PTPN13: variants seen among roughly 807,000 people sequenced by gnomAD.
PTPN13 encodes protein tyrosine phosphatase non-receptor type 13.
A neutral mutation model predicts 284.0 loss-of-function variants in PTPN13; 191 were observed. That is an observed-to-expected ratio of 0.67 (90% CI 0.60 to 0.76). The LOEUF (loss-of-function observed/expected upper bound fraction) is 0.76, where lower values mean the gene tolerates loss of function less well. Among genes scored for constraint, PTPN13 ranks in the 30% least tolerant of loss-of-function variants. The probability of loss-of-function intolerance (pLI) is 0.00; values close to 1 mark genes in which losing one functional copy is unlikely to be tolerated. For synonymous variants in PTPN13, 986 were observed against 1,022.3 expected, an observed-to-expected ratio of 0.96 and a Z score of 0.68; for missense variants, 2,797 against 2,939.9, an observed-to-expected ratio of 0.95 and a Z score of 1.12.
intron 7 of PTPN13, among the ~76,000 whole-genome samples, chr4:86,704,832 G>T (rs960170420): frequency 1.3e-5 from 2 of 152,062 alleles, no homozygotes; most frequent in Non-Finnish European, 2.9e-5. Context: ...ACCTAAAAAT[G>T]TTGGATTATT....
intron 10 of PTPN13, 138 bp from the exon 11 acceptor site, chr4:86,732,262 T>C: frequency 1.5e-6 from 1 of 667,894 alleles, no homozygotes; most frequent in Non-Finnish European, 2.4e-6. Context: ...GCTTCAACGT[T>C]TGTTTTAGAT....
chr4:86,739,083 A>C (rs2149159393), intron 15 of PTPN13, among the ~76,000 whole-genome samples: 1 of 152,284 alleles, frequency 6.6e-6, no homozygotes, highest in African/African-American at 2.4e-5. Context: ...ATTTTTGCCC[A>C]ACCCAGGGTC....
At chr4:86,804,691 C>G (rs1293986835) in intron 43 of PTPN13, among the ~76,000 whole-genome samples, 1 of 152,182 alleles carries the variant, frequency 6.6e-6, no homozygotes, top group Non-Finnish European at 1.5e-5. Flanking sequence ...TTGTTTACTT[C>G]TTTATTGTGT....
intron 4 of PTPN13, among the ~76,000 whole-genome samples, 172 bp downstream of exon 4, chr4:86,686,947 G>T (rs1278387867): frequency 2.6e-5 from 4 of 152,200 alleles, no homozygotes; most frequent in Admixed American, 1.3e-4. Context: ...TGAACTTTCA[G>T]TAAAGTACTA....
intron 47 of PTPN13, 50 bp downstream of exon 47, chr4:86,811,158 A>AT: frequency 6.5e-7 from 1 of 1,538,504 alleles, no homozygotes; most frequent in Non-Finnish European, 8.9e-7. Flanking sequence ...AGATTCTAAT[A>AT]TTTTTTAAGG....
chr4:86,799,297 C>T, intron 42 of PTPN13, 93 bp downstream of exon 42: 1 of 731,496 alleles, frequency 1.4e-6, no homozygotes, highest in Non-Finnish European at 2.1e-6. Flanking sequence ...TGCTGTTTTA[C>T]CATATGTATA....
At chr4:86,729,091 T>C (rs1421472343) in intron 10 of PTPN13, among the ~76,000 whole-genome samples, 2 of 149,364 alleles carry the variant, frequency 1.3e-5, no homozygotes, top group African/African-American at 2.4e-5. Flanking sequence ...TATTTCCCCT[T>C]CACTTATGAA....
chr4:86,766,989 G>A (rs540514934), intron 27 of PTPN13, among the ~76,000 whole-genome samples: 3 of 151,982 alleles, frequency 2.0e-5, no homozygotes, highest in African/African-American at 7.3e-5. Context: ...GCGCAATCAC[G>A]GCTCACTGCA....
chr4:86,724,619 G>T (rs1384008738), intron 10 of PTPN13, among the ~76,000 whole-genome samples: 1 of 152,134 alleles, frequency 6.6e-6, no homozygotes, highest in Non-Finnish European at 1.5e-5. Context: ...TTTCTGAAAA[G>T]AGCTGGAGGT....
intron 9 of PTPN13, among the ~76,000 whole-genome samples, chr4:86,721,920 A>AT (rs796390751): frequency 5.5e-4 from 84 of 151,368 alleles, no homozygotes; most frequent in African/African-American, 1.9e-3. Context: ...AATTTGTTGT[A>AT]TTTTTTTGTA....
At chr4:86,712,144 G>C (rs1732487091) in intron 7 of PTPN13, among the ~76,000 whole-genome samples, 2 of 151,730 alleles carry the variant, frequency 1.3e-5, no homozygotes, top group African/African-American at 4.8e-5. Context: ...ACATTCCTGG[G>C]ATCTGTATCA....
chr4:86,634,206 C>T (rs1722770150), intron 1 of PTPN13, among the ~76,000 whole-genome samples: 1 of 152,050 alleles, frequency 6.6e-6, no homozygotes, highest in Non-Finnish European at 1.5e-5. Context: ...CTTTTAAACT[C>T]CTTATTTGGC....
At chr4:86,611,323 C>T (rs1719862731) in intron 1 of PTPN13, among the ~76,000 whole-genome samples, 1 of 152,148 alleles carries the variant, frequency 6.6e-6, no homozygotes, top group African/African-American at 2.4e-5. Flanking sequence ...GAATGGACTG[C>T]CTTTAAGGCA....
At chr4:86,788,828 G>A (rs927370314) in intron 40 of PTPN13, among the ~76,000 whole-genome samples, 1 of 152,104 alleles carries the variant, frequency 6.6e-6, no homozygotes, top group Admixed American at 6.5e-5. Context: ...AAGTACACAT[G>A]TAAATAAGTA....
rs999492126 is a variant in PTPN13, at chr4:86,687,342, G to T, written c.360+567G>T. 8.5e-5 allele frequency among the ~76,000 whole-genome samples: 13 copies of T among 152,256 alleles called. 1 individual carries two copies. Among genetic ancestry groups the T allele is most frequent in the Admixed American group, 7.8e-4 (12 of 15,290 alleles). Reference sequence around the variant, plus strand: ...CTTGGGCCCTGTTTGCCATTGGGCTGCTTCTAGTCATTATTTTCTAAAATA... The same window carrying T: ...CTTGGGCCCTGTTTGCCATTGGGCTTCTTCTAGTCATTATTTTCTAAAATA... On this transcript the variant is annotated intron_variant, in intron 4 of 47. Coordinates refer to ENST00000411767, the MANE Select transcript of PTPN13 (RefSeq NM_080683.3).
In PTPN13 at chr4:86,716,538, C is replaced by A; in HGVS notation, c.1204C>A (p.Arg402=). Residue 402 remains arginine, a synonymous_variant, in exon 8 of 48, where the codon CGA becomes AGA. Transcript: ENST00000411767. ...REAMNVEEPV[R]RYKTYHGDVF... is the part of the protein sequence containing the mutation. ...TGTTTTAATCCTTTTAGAACCAGTT[C>A]GAAGATACAAAACTTATCATGGTGA... 2 of 1,576,762 alleles carry A rather than the reference C, an allele frequency of 1.3e-6. No individual in the cohort carries two copies. The highest frequency in any genetic ancestry group is 1.2e-5 in the South Asian group (1 of 84,944).
At chr4:86,699,572 A>G (rs1730937150) in intron 6 of PTPN13, among the ~76,000 whole-genome samples, 1 of 152,028 alleles carries the variant, frequency 6.6e-6, no homozygotes, top group African/African-American at 2.4e-5. Context: ...AAGTAAGCAC[A>G]CTGTTAACAT....
intron 9 of PTPN13, among the ~76,000 whole-genome samples, chr4:86,719,060 T>C (rs1733352187): frequency 6.6e-6 from 1 of 152,198 alleles, no homozygotes; most frequent in Non-Finnish European, 1.5e-5. Flanking sequence ...TTTGTATACA[T>C]ACTATTTTGT....
intron 46 of PTPN13, 134 bp from the exon 47 acceptor site, chr4:86,810,912 G>A (rs1745147096): frequency 1.5e-6 from 1 of 672,464 alleles, no homozygotes; most frequent in Non-Finnish European, 2.3e-6. Context: ...TTGTCCAGGA[G>A]AGTTTCCCAA....
Sources: allele counts gnomAD v4.1 joint callset (sites outside exome capture counted in the v4.1 genomes callset), GRCh38; gene constraint gnomAD v4.1.1; transcripts MANE v1.5; gene names NCBI Gene and HGNC (gene_info 2026-07-23, HGNC 2026-07-21).